FAM83B: variants seen among roughly 807,000 people sequenced by gnomAD.
The protein encoded by FAM83B is protein FAM83B.
In FAM83B, 26 loss-of-function variants were observed where a neutral mutation model predicts 38.8. The observed-to-expected ratio is 0.67, with a 90% CI of 0.49 to 0.93. The LOEUF (loss-of-function observed/expected upper bound fraction) is 0.93, where lower values mean the gene tolerates loss of function less well. FAM83B is among the 40% of genes least tolerant of loss of function. FAM83B has a pLI of 0.00. For synonymous variants in FAM83B, 419 were observed against 423.1 expected (o/e 0.99, Z 0.12); for missense variants, 1,237 against 1,197.3 (o/e 1.03, Z -0.49).
intron 4 of FAM83B, among the ~76,000 whole-genome samples, chr6:54,930,283 T>C (rs1024836153): frequency 6.6e-6 from 1 of 152,166 alleles, no homozygotes. Context: ...TATTTATCTA[T>C]TGCTACTTCT....
intron 2 of FAM83B, among the ~76,000 whole-genome samples, chr6:54,874,975 A>C (rs1038432694): frequency 6.6e-6 from 1 of 152,138 alleles, no homozygotes; most frequent in African/African-American, 2.4e-5. Flanking sequence ...ACAGATGCAA[A>C]GAGGAAGATG....
In FAM83B at chr6:54,926,357, C is replaced by T; in HGVS notation, c.445-14C>T. The T allele has an allele frequency of 6.7e-7, 1 of 1,503,288 alleles. No homozygotes were observed. The highest frequency in any genetic ancestry group is 2.3e-5 in the East Asian group (1 of 43,626). The allele number at this position is 1,503,288 out of a possible 1,614,324, so 93.1% of individuals were successfully genotyped here. A position where few individuals can be genotyped will look rare whatever the true frequency, so the allele number is the denominator to read the frequency against. ...CAAGGATCTAAAATTGTTTCATATT[C>T]TTATATTTAACAGGTCATTGCTTTA... is the stretch of plus-strand genomic sequence containing the variant. On this transcript the variant is annotated splice_polypyrimidine_tract_variant and intron_variant, in intron 2 of 4. Coordinates refer to ENST00000306858, the MANE Select transcript of FAM83B (RefSeq NM_001010872.3).
At chr6:54,846,441 C>T (rs1771134558), upstream of FAM83B, among the ~76,000 whole-genome samples, 1 of 152,226 alleles carries the variant, frequency 6.6e-6, no homozygotes, top group South Asian at 2.1e-4. Context: ...CTCCTCGCCC[C>T]AGACCAGGAG....
At chr6:54,928,179 A>G (rs953289425) in intron 4 of FAM83B, among the ~76,000 whole-genome samples, 1 of 152,190 alleles carries the variant, frequency 6.6e-6, no homozygotes, top group African/African-American at 2.4e-5. Flanking sequence ...TAGTGAGGCT[A>G]CATAAACAGG....
At chr6:54,939,667 T>C (rs779257839) in intron 4 of FAM83B, 39 bp from the exon 5 acceptor site, 2 of 1,509,048 alleles carry the variant, frequency 1.3e-6, no homozygotes, top group South Asian at 2.7e-5. Flanking sequence ...TTATTATCAA[T>C]CTTTTAAATG....
chr6:54,936,858 A>G (rs1254449445), intron 4 of FAM83B, among the ~76,000 whole-genome samples: 2 of 150,140 alleles, frequency 1.3e-5, no homozygotes, highest in East Asian at 3.9e-4. Flanking sequence ...TCATACCTTT[A>G]GTCAGATTGA....
intron 2 of FAM83B, among the ~76,000 whole-genome samples, chr6:54,899,717 C>A (rs921745548): frequency 6.6e-6 from 1 of 152,156 alleles, no homozygotes. Context: ...TGAGGCCTCC[C>A]ACAGGCTCCA....
chr6:54,863,986 A>G (rs960445523), intron 1 of FAM83B, among the ~76,000 whole-genome samples: 2 of 152,148 alleles, frequency 1.3e-5, no homozygotes, highest in African/African-American at 4.8e-5. Flanking sequence ...ATTTAATTTT[A>G]TTTGCATTTT....
At position 54,932,168 on chromosome 6, in the gene FAM83B, G is replaced by T. The variant is rs148318688; in HGVS notation, c.734+4536G>T. On this transcript the variant is annotated intron_variant, in intron 4 of 4. Transcript: ENST00000306858. Reference sequence around the variant, plus strand: ...TGTGATTACAGGTGTGCACCACCACGCCTGGGTAATATTTTGTATTTTTAG... The same window carrying T: ...TGTGATTACAGGTGTGCACCACCACTCCTGGGTAATATTTTGTATTTTTAG... 3.0e-3 allele frequency among the ~76,000 whole-genome samples: 460 copies of T among 151,872 alleles called. 2 individuals are homozygous for T. Among genetic ancestry groups the T allele is most frequent in the African/African-American group, 0.011 (437 of 41,424 alleles).
intron 2 of FAM83B, among the ~76,000 whole-genome samples, chr6:54,919,361 A>C (rs991367401): frequency 6.6e-6 from 1 of 152,158 alleles, no homozygotes; most frequent in African/African-American, 2.4e-5. Context: ...GATGCAAATA[A>C]TGTGGAAAAT....
Position 54,941,268 on chromosome 6 carries a change from G to T in FAM83B, c.2297G>T (p.Ser766Ile). 6.2e-7 allele frequency: 1 copy of T among 1,604,974 alleles called. No individual in the cohort carries two copies. Among genetic ancestry groups the T allele is most frequent in the African/African-American group, 1.4e-5 (1 of 74,012 alleles). The change falls in exon 5 of 5, where the codon AGT becomes ATT. Residue 766 changes from serine to isoleucine, a missense_variant. Coordinates refer to ENST00000306858, the MANE Select transcript of FAM83B (RefSeq NM_001010872.3). ...AAGAAGGAAGTTAAGGGTTCCCCAA[G>T]TTTTTTGAAAAAGGGGTCTCAGAAG... is the stretch of plus-strand genomic sequence containing the variant. Reference protein sequence around the residue: ...ASKKEVKGSPSFLKKGSQKLR... With the variant: ...ASKKEVKGSPIFLKKGSQKLR...
chr6:54,853,907 C>G (rs573983202), intron 1 of FAM83B, among the ~76,000 whole-genome samples: 1 of 152,334 alleles, frequency 6.6e-6, no homozygotes, highest in African/African-American at 2.4e-5. Context: ...ATTCTACATG[C>G]CATTAAGAAC....
chr6:54,927,525 A>C lies in FAM83B; in HGVS notation c.627A>C (p.Thr209=), dbSNP rs942960488. ...VQRLRNIRVR[T]VKGQDYLSKT... The stretch of plus-strand genomic sequence containing the variant: ...AATTCTAGAATATTCGAGTGCGAAC[A>C]GTAAAAGGCCAAGATTATCTTTCAA... Residue 209 remains threonine (T), a synonymous_variant, in exon 4 of 5, where the codon ACA becomes ACC. Coordinates refer to ENST00000306858, the MANE Select transcript of FAM83B (RefSeq NM_001010872.3). 13 of 1,603,642 alleles carry C rather than the reference A, an allele frequency of 8.1e-6. No homozygotes were observed. Among genetic ancestry groups the C allele is most frequent in the Admixed American group, 5.0e-5 (3 of 59,682 alleles).
intron 2 of FAM83B, among the ~76,000 whole-genome samples, chr6:54,911,766 T>G (rs558950371): frequency 6.3e-4 from 96 of 152,272 alleles, no homozygotes; most frequent in Non-Finnish European, 1.3e-3. Flanking sequence ...TCAAGAAATC[T>G]AAATTATAGG....
rs368341613 is a variant in FAM83B, at chr6:54,941,209, G to C, written c.2238G>C (p.Val746=). The part of the protein sequence containing the change: ...KSVSIAALLD[V]NKEESNKELA... Reference sequence around the variant, plus strand: ...TTTCCATTGCTGCTTTACTTGATGTGAATAAAGAGGAATCTAACAAAGAAC... The same window carrying C: ...TTTCCATTGCTGCTTTACTTGATGTCAATAAAGAGGAATCTAACAAAGAAC... The change falls in exon 5 of 5, where the codon GTG becomes GTC. Residue 746 remains valine (V), a synonymous_variant. Transcript: ENST00000306858. 4 of 1,613,896 alleles carry C rather than the reference G, an allele frequency of 2.5e-6. No individual in the cohort carries two copies.
intron 2 of FAM83B, among the ~76,000 whole-genome samples, chr6:54,877,903 G>A (rs1357037241): frequency 6.6e-6 from 1 of 152,162 alleles, no homozygotes; most frequent in Admixed American, 6.5e-5. Flanking sequence ...TGAGATCAGT[G>A]GGTGTAGATG....
intron 1 of FAM83B, among the ~76,000 whole-genome samples, chr6:54,864,275 C>T (rs1771651632): frequency 6.6e-6 from 1 of 152,064 alleles, no homozygotes; most frequent in Non-Finnish European, 1.5e-5. Flanking sequence ...TCCCCTCCCT[C>T]CAGTTAAAGT....
At chr6:54,892,348 G>A (rs773289904) in intron 2 of FAM83B, among the ~76,000 whole-genome samples, 7 of 151,354 alleles carry the variant, frequency 4.6e-5, no homozygotes, top group Non-Finnish European at 1.0e-4. Flanking sequence ...ACGGGGGCTT[G>A]TTGTACAGAT....
At chr6:54,894,601 G>A (rs1258159486) in intron 2 of FAM83B, among the ~76,000 whole-genome samples, 1 of 152,128 alleles carries the variant, frequency 6.6e-6, no homozygotes, top group Non-Finnish European at 1.5e-5. Context: ...CTAAGAAGTA[G>A]AACTCCACAG....
Sources: gnomAD v4.1 joint callset for allele counts (sites outside exome capture counted in the v4.1 genomes callset) on GRCh38, gnomAD v4.1.1 for gene constraint, MANE v1.5 for transcripts, NCBI Gene and HGNC (gene_info 2026-07-23, HGNC 2026-07-21) for gene names.